ROBO2: variants seen among roughly 807,000 people sequenced by gnomAD.
ROBO2 encodes roundabout homolog 2.
ROBO2 carries 53 observed loss-of-function variants against 160.8 expected under a neutral mutation model. The observed-to-expected ratio is 0.33, with a 90% CI of 0.26 to 0.41. The LOEUF is 0.41. Among genes scored for constraint, ROBO2 ranks in the 10% least tolerant of loss-of-function variants. ROBO2 has a pLI of 1.00. For synonymous variants in ROBO2, 664 were observed against 611.7 expected (o/e 1.09, Z -1.26); for missense variants, 1,577 against 1,722.4 (o/e 0.92, Z 1.49).
chr3:76,524,598 TA>T (rs2081826299), intron 2 of ROBO2, among the ~76,000 whole-genome samples: 1 of 151,694 alleles, frequency 6.6e-6, no homozygotes, highest in African/African-American at 2.4e-5. Context: ...TTCCATCAGT[TA>T]TCATTTTTAT....
chr3:76,189,695 G>A (rs1356945952), intron 2 of ROBO2, among the ~76,000 whole-genome samples: 2 of 152,054 alleles, frequency 1.3e-5, no homozygotes, highest in Non-Finnish European at 2.9e-5. Flanking sequence ...TCAGCAAGAG[G>A]TGAAAAGTTA....
chr3:76,191,648 G>A (rs1289726423), intron 2 of ROBO2, among the ~76,000 whole-genome samples: 2 of 151,820 alleles, frequency 1.3e-5, no homozygotes, highest in Admixed American at 6.6e-5. Context: ...TTTTCTGCAG[G>A]AGAATACACC....
chr3:77,551,048 C>A (rs781771502), intron 8 of ROBO2, 59 bp downstream of exon 9: 42 of 1,558,152 alleles, frequency 2.7e-5, no homozygotes, highest in Non-Finnish European at 3.7e-5. Context: ...TCTAGATACA[C>A]GTTAACCATG....
intron 2 of ROBO2, among the ~76,000 whole-genome samples, chr3:76,333,115 A>G (rs2108051126): frequency 6.6e-6 from 1 of 152,352 alleles, no homozygotes; most frequent in African/African-American, 2.4e-5. Context: ...CTTCAGTGTC[A>G]GAAGAGTGTC....
intron 23 of ROBO2, chr3:77,630,506 T>A (rs1167350073): frequency 7.6e-6 from 1 of 131,140 alleles, no homozygotes; most frequent in African/African-American, 2.8e-5. Context: ...CCCCACAAAG[T>A]CCCCCCCTTG....
chr3:77,188,681 T>C (rs747788317), intron 2 of ROBO2, among the ~76,000 whole-genome samples: 1 of 151,828 alleles, frequency 6.6e-6, no homozygotes, highest in Non-Finnish European at 1.5e-5. Context: ...GAGAACATTT[T>C]TACTGTTTTC....
At chr3:77,436,248 G>A (rs1560826965) in intron 2 of ROBO2, among the ~76,000 whole-genome samples, 4 of 151,598 alleles carry the variant, frequency 2.6e-5, no homozygotes, top group Non-Finnish European at 5.9e-5. Context: ...TCACAAAGTA[G>A]TAATTAATCA....
At chr3:77,278,265 T>A (rs2153367533) in intron 2 of ROBO2, among the ~76,000 whole-genome samples, 1 of 152,268 alleles carries the variant, frequency 6.6e-6, no homozygotes, top group East Asian at 1.9e-4. Flanking sequence ...CTCCAGTAGC[T>A]CCCATAGACT....
chr3:76,777,939 G>A (rs964082611), intron 2 of ROBO2, among the ~76,000 whole-genome samples: 2 of 151,006 alleles, frequency 1.3e-5, no homozygotes, highest in African/African-American at 2.4e-5. Flanking sequence ...TGAAAAGCTT[G>A]TTATAAAATA....
intron 2 of ROBO2, among the ~76,000 whole-genome samples, chr3:76,687,607 C>T (rs2092713182): frequency 6.6e-6 from 1 of 151,882 alleles, no homozygotes; most frequent in Non-Finnish European, 1.5e-5. Flanking sequence ...CCTTATGTAA[C>T]AGAACAGAAC....
At chr3:76,504,635 T>C (rs2080690238) in intron 2 of ROBO2, among the ~76,000 whole-genome samples, 1 of 148,364 alleles carries the variant, frequency 6.7e-6, no homozygotes, top group South Asian at 2.2e-4. Context: ...TTCACGCCAT[T>C]CTCCTGCCTC....
intron 1 of ROBO2, among the ~76,000 whole-genome samples, chr3:75,925,100 C>T (rs7611923): frequency 0.72 from 108,995 of 151,854 alleles, 43,112 homozygotes; most frequent in Non-Finnish European, 0.88. Context: ...GGTTAAAAAA[C>T]GGGCGGGGCC....
intron 2 of ROBO2, among the ~76,000 whole-genome samples, chr3:76,468,076 T>TA (rs2078455706): frequency 6.6e-6 from 1 of 152,120 alleles, no homozygotes; most frequent in Admixed American, 6.6e-5. Flanking sequence ...AGTTCTGTGT[T>TA]AAAAATCATC....
intron 1 of ROBO2, among the ~76,000 whole-genome samples, chr3:77,093,490 C>T (rs986638433): frequency 9.2e-5 from 14 of 152,212 alleles, no homozygotes; most frequent in South Asian, 4.1e-4. Context: ...ATCTTAAAGG[C>T]CCAACATCTT....
chr3:77,397,372 A>G (rs2075378057), intron 2 of ROBO2, among the ~76,000 whole-genome samples: 2 of 152,172 alleles, frequency 1.3e-5, no homozygotes, highest in Non-Finnish European at 2.9e-5. Flanking sequence ...TGACAGCAAT[A>G]ATCAGAGATA....
At chr3:76,879,316 T>C (rs976562335) in intron 2 of ROBO2, among the ~76,000 whole-genome samples, 4 of 152,126 alleles carry the variant, frequency 2.6e-5, no homozygotes, top group Non-Finnish European at 5.9e-5. Flanking sequence ...CTGGTTAATG[T>C]AGATTTTCCA....
chr3:76,047,197 T>C (rs1553726735), intron 2 of ROBO2, among the ~76,000 whole-genome samples: 2 of 152,192 alleles, frequency 1.3e-5, no homozygotes, highest in Non-Finnish European at 2.9e-5. Context: ...TCCCCCCAGA[T>C]AAATTTTATA....
intron 2 of ROBO2, among the ~76,000 whole-genome samples, chr3:77,158,545 A>G (rs193246597): frequency 2.6e-5 from 4 of 152,246 alleles, no homozygotes; most frequent in African/African-American, 4.8e-5. Flanking sequence ...TACTCATCAC[A>G]TAAAGAATAG....
At chr3:77,080,314 T>G (rs142835045) in intron 1 of ROBO2, among the ~76,000 whole-genome samples, 27 of 152,302 alleles carry the variant, frequency 1.8e-4, no homozygotes, top group African/African-American at 6.5e-4. Flanking sequence ...TGGTTAATTT[T>G]GAGAGCAAAT....
Sources: allele counts gnomAD v4.1 joint callset (sites outside exome capture counted in the v4.1 genomes callset), GRCh38; gene constraint gnomAD v4.1.1; transcripts MANE v1.5; gene names NCBI Gene and HGNC (gene_info 2026-07-23, HGNC 2026-07-21).